The following PCDHA11 variants were observed in gnomAD, a reference collection of about 807,000 sequenced individuals.
The protein encoded by PCDHA11 is protocadherin alpha-11.
Under a neutral mutation model 70.3 loss-of-function variants are expected in PCDHA11, and 61 were observed. That is an observed-to-expected ratio of 0.87 (90% confidence interval 0.71 to 1.07). PCDHA11 has a LOEUF of 1.07. Ranked by LOEUF, PCDHA11 falls within the 50% of genes least tolerant of loss-of-function variation. PCDHA11 has a pLI of 0.00. For synonymous variants in PCDHA11, 633 were observed against 555.1 expected (o/e 1.14, Z -1.97); for missense variants, 1,324 against 1,237.5 (o/e 1.07, Z -1.05).
At chr5:140,994,485 C>T (rs573689251) in intron 3 of PCDHA11, among the ~76,000 whole-genome samples, 2 of 152,146 alleles carry the variant, frequency 1.3e-5, no homozygotes, top group South Asian at 2.1e-4. Flanking sequence ...GGTGGATTGC[C>T]TGAACCCAGG....
intron 3 of PCDHA11, among the ~76,000 whole-genome samples, chr5:140,999,049 A>C (rs962383659): frequency 1.3e-5 from 2 of 152,214 alleles, no homozygotes; most frequent in African/African-American, 4.8e-5. Flanking sequence ...TGTGCTTTCC[A>C]CCATGCCTAA....
At chr5:140,925,994 G>C (rs1041576118) in intron 1 of PCDHA11, among the ~76,000 whole-genome samples, 1 of 152,138 alleles carries the variant, frequency 6.6e-6, no homozygotes, top group Non-Finnish European at 1.5e-5. Context: ...CGCTGGCTCC[G>C]CTGCCTCGAA....
intron 1 of PCDHA11, among the ~76,000 whole-genome samples, chr5:140,897,735 C>G (rs2066294879): frequency 6.6e-6 from 1 of 152,160 alleles, no homozygotes; most frequent in Non-Finnish European, 1.5e-5. Flanking sequence ...AATAGTATTT[C>G]TAGTTCTAGA....
At chr5:140,943,405 A>G (rs1030211474) in intron 1 of PCDHA11, among the ~76,000 whole-genome samples, 2 of 152,164 alleles carry the variant, frequency 1.3e-5, no homozygotes, top group Non-Finnish European at 2.9e-5. Flanking sequence ...ATTTAAATTC[A>G]GACTAGAGGC....
At chr5:140,928,932 G>T in intron 1 of PCDHA11, 5 of 1,614,108 alleles carry the variant, frequency 3.1e-6, no homozygotes, top group Non-Finnish European at 2.5e-6. Flanking sequence ...TTTCTGCCCA[G>T]AACTTGTATT....
chr5:140,912,500 T>C (rs1554195386), intron 1 of PCDHA11, among the ~76,000 whole-genome samples: 1 of 152,204 alleles, frequency 6.6e-6, no homozygotes, highest in Non-Finnish European at 1.5e-5. Flanking sequence ...TAGGAGCTTT[T>C]TGGATGAATC....
intron 1 of PCDHA11, among the ~76,000 whole-genome samples, chr5:140,899,785 A>C (rs1460475621): frequency 6.6e-6 from 1 of 152,166 alleles, no homozygotes; most frequent in African/African-American, 2.4e-5. Flanking sequence ...CTCTGGTATA[A>C]TTCGGCTGTG....
At chr5:140,991,417 C>G (rs782178829) in intron 3 of PCDHA11, among the ~76,000 whole-genome samples, 79 of 152,196 alleles carry the variant, frequency 5.2e-4, no homozygotes, top group Admixed American at 1.5e-3. Context: ...TATGCTATAA[C>G]AAATTAACCA....
At chr5:140,943,248 ACT>A (rs1250099362) in intron 1 of PCDHA11, among the ~76,000 whole-genome samples, 2 of 133,008 alleles carry the variant, frequency 1.5e-5, no homozygotes, top group Non-Finnish European at 3.1e-5. Flanking sequence ...ACAGAGTGAG[ACT>A]CTGTCTCAAA....
intron 1 of PCDHA11, chr5:140,927,616 G>T (rs1228559116): frequency 6.2e-7 from 1 of 1,614,164 alleles, no homozygotes; most frequent in South Asian, 1.1e-5. Flanking sequence ...CCGCACCAAG[G>T]TTCCAGAGAC....
chr5:140,896,540 T>C (rs1372765271), intron 1 of PCDHA11, among the ~76,000 whole-genome samples: 1 of 151,560 alleles, frequency 6.6e-6, no homozygotes, highest in Non-Finnish European at 1.5e-5. Flanking sequence ...ATTTTTCTTT[T>C]TTTTTTTTGT....
intron 1 of PCDHA11, among the ~76,000 whole-genome samples, chr5:140,911,234 C>A (rs1554194655): frequency 6.6e-6 from 1 of 151,890 alleles, no homozygotes; most frequent in South Asian, 2.1e-4. Context: ...TTTCTTCTGG[C>A]AAAAAAAGTT....
chr5:140,968,008 C>T, intron 1 of PCDHA11: 1 of 1,614,202 alleles, frequency 6.2e-7, no homozygotes, highest in Non-Finnish European at 8.5e-7. Flanking sequence ...GACTGAATGG[C>T]TTTGGAAACT....
chr5:140,909,134 C>A (rs1337385284), intron 1 of PCDHA11, among the ~76,000 whole-genome samples: 3 of 152,140 alleles, frequency 2.0e-5, no homozygotes, highest in Non-Finnish European at 4.4e-5. Flanking sequence ...AGGTAATGAA[C>A]CAGTGTGATA....
At position 140,871,092 on chromosome 5, in the gene PCDHA11, C is replaced by A. The variant is rs575877743; in HGVS notation, c.1989C>A (p.Thr663=). 2 of 1,613,142 alleles carry A rather than the reference C, an allele frequency of 1.2e-6. No homozygotes were observed. Among genetic ancestry groups the A allele is most frequent in the Admixed American group, 1.7e-5 (1 of 59,998 alleles). ...AGCCGGCGCTGACGGCCACGGCCAC[C>A]GTGCTGGTGTCGTTGGTGGAGAGCG... ...HGEPALTATA[T]VLVSLVESGQ... The change falls in exon 1 of 4, where the codon ACC becomes ACA. Residue 663 remains threonine, a synonymous_variant. Transcript: ENST00000398640.
At chr5:140,943,144 G>C (rs894787678) in intron 1 of PCDHA11, among the ~76,000 whole-genome samples, 1 of 151,178 alleles carries the variant, frequency 6.6e-6, no homozygotes, top group Non-Finnish European at 1.5e-5. Context: ...TGTAGTCCCA[G>C]CTACTCTGGA....
chr5:140,991,191 A>G (rs1316296536), intron 3 of PCDHA11, among the ~76,000 whole-genome samples: 2 of 152,218 alleles, frequency 1.3e-5, no homozygotes, highest in South Asian at 2.1e-4. Flanking sequence ...CTAGCACACA[A>G]TGATGCTCAA....
intron 1 of PCDHA11, among the ~76,000 whole-genome samples, chr5:140,921,435 A>G (rs997660613): frequency 6.6e-6 from 1 of 152,120 alleles, no homozygotes. Context: ...ATTTTCTTCA[A>G]TGGTGTCTGA....
chr5:140,901,907 A>C (rs1204627106), intron 1 of PCDHA11, among the ~76,000 whole-genome samples: 1 of 150,942 alleles, frequency 6.6e-6, no homozygotes, highest in African/African-American at 2.4e-5. Context: ...CATTGTGGAG[A>C]TCTTTCACTT....
Sources: allele counts gnomAD v4.1 joint callset (sites outside exome capture counted in the v4.1 genomes callset), GRCh38; gene constraint gnomAD v4.1.1; transcripts MANE v1.5; gene names NCBI Gene and HGNC (gene_info 2026-07-23, HGNC 2026-07-21).